The following TSEN2 variants were observed in gnomAD, a reference collection of about 807,000 sequenced individuals.
The protein encoded by TSEN2 is tRNA-splicing endonuclease subunit Sen2.
TSEN2 carries 54 observed loss-of-function variants against 59.2 expected under a neutral mutation model. The observed-to-expected ratio is 0.91, with a 90% confidence interval of 0.73 to 1.14. The LOEUF is 1.14. Ranked by LOEUF, TSEN2 falls within the 50% of genes most tolerant of loss-of-function variation. TSEN2 has a pLI of 0.00. For missense variants in TSEN2, 636 were observed against 576.2 expected (o/e 1.10, Z -1.06); for synonymous variants, 195 against 198.2 (o/e 0.98, Z 0.14).
intron 4 of TSEN2, among the ~76,000 whole-genome samples, chr3:12,498,233 C>T (rs183842455): frequency 1.4e-3 from 208 of 152,188 alleles, no homozygotes; most frequent in African/African-American, 4.8e-3. Flanking sequence ...AAGTCATATT[C>T]GCAGGTACTG....
chr3:12,529,792 C>A lies in TSEN2; in HGVS notation c.1167C>A (p.Asp389Glu). 2 of 1,614,084 alleles carry A rather than the reference C, an allele frequency of 1.2e-6. No homozygotes were observed. The highest frequency in any genetic ancestry group is 1.7e-6 in the Non-Finnish European group (2 of 1,180,006). ...CTGTCATTATCGAGCTAGTTGATGA[C>A]CATTTTGAAGGCTCTCTCCGCAGGC... ...SYSVIIELVD[D>E]HFEGSLRRPL... The change falls in exon 10 of 12, where the codon GAC becomes GAA. Residue 389 changes from aspartate to glutamate, a missense_variant. By Grantham distance (45) the Asp-to-Glu change is conservative (BLOSUM62 2). Transcript: ENST00000284995.
At chr3:12,535,939 C>T (rs2057664988), downstream of TSEN2, among the ~76,000 whole-genome samples, 2 of 152,190 alleles carry the variant, frequency 1.3e-5, no homozygotes, top group African/African-American at 4.8e-5. Flanking sequence ...GTTTCCTCAA[C>T]AGTAAAATAA....
upstream of TSEN2, among the ~76,000 whole-genome samples, chr3:12,482,417 G>A (rs1485160878): frequency 6.6e-6 from 1 of 152,164 alleles, no homozygotes; most frequent in African/African-American, 2.4e-5. Flanking sequence ...CACCGTGCCC[G>A]GCCAGAAGTG....
intron 10 of TSEN2, chr3:12,530,535 C>T: frequency 1.0e-6 from 1 of 985,456 alleles, no homozygotes; most frequent in Non-Finnish European, 1.2e-6. Flanking sequence ...TCTCATTACT[C>T]AGTGATTTGC....
chr3:12,493,271 ATATATACCCAGGAG>A (rs2053411446), intron 3 of TSEN2, among the ~76,000 whole-genome samples: 1 of 152,144 alleles, frequency 6.6e-6, no homozygotes, highest in Non-Finnish European at 1.5e-5. Flanking sequence ...GTTGTTTTGG[ATATATACCCAGGAG>A]TAGAATTAAT....
In TSEN2 at chr3:12,510,022, A is replaced by G. The variant is rs992362648; in HGVS notation, c.909+4791A>G. 9.2e-5 allele frequency among the ~76,000 whole-genome samples: 14 copies of G among 152,184 alleles called. No individual in the cohort carries two copies. In the South Asian group the frequency reaches 2.5e-3, roughly 27 times the overall value. ...GTGTCCTTCTCCCCAAGGAGGTATA[A>G]ACTGTTTTTTACTTGATACTGAAGA... is the stretch of plus-strand genomic sequence containing the variant. On this transcript the variant is annotated intron_variant, in intron 6 of 11. Coordinates refer to ENST00000284995, the MANE Select transcript of TSEN2 (RefSeq NM_025265.4).
intron 8 of TSEN2, among the ~76,000 whole-genome samples, chr3:12,522,356 G>A (rs2056715624): frequency 6.6e-6 from 1 of 151,934 alleles, no homozygotes; most frequent in East Asian, 1.9e-4. Flanking sequence ...ATATCATCTA[G>A]AAACAGATGT....
chr3:12,522,274 A>G (rs2056708576), intron 8 of TSEN2, among the ~76,000 whole-genome samples: 1 of 152,220 alleles, frequency 6.6e-6, no homozygotes, highest in Non-Finnish European at 1.5e-5. Flanking sequence ...ACAGATAAAT[A>G]GAATTTTGAA....
chr3:12,529,739 CA>C, intron 9 of TSEN2, 22 bp from the exon 10 acceptor site: 1 of 1,603,794 alleles, frequency 6.2e-7, no homozygotes, highest in Non-Finnish European at 8.5e-7. Context: ...TTACTTTTAA[CA>C]TGCTTTTTCT....
At chr3:12,517,430 A>G (rs1415709389) in intron 7 of TSEN2, among the ~76,000 whole-genome samples, 1 of 151,708 alleles carries the variant, frequency 6.6e-6, no homozygotes, top group Non-Finnish European at 1.5e-5. Context: ...CCAAAGTCAC[A>G]CAGCTAGTCT....
At chr3:12,538,144 G>A (rs1002142229), downstream of TSEN2, among the ~76,000 whole-genome samples, 3 of 152,168 alleles carry the variant, frequency 2.0e-5, no homozygotes, top group African/African-American at 7.2e-5. Flanking sequence ...GACGTTAACT[G>A]TGCTGAAACA....
At chr3:12,484,408 T>C (rs1400899926), upstream of TSEN2, 1 of 152,234 alleles carries the variant, frequency 6.6e-6, no homozygotes, top group Admixed American at 6.5e-5. Flanking sequence ...CGACGGGAGC[T>C]CTGCGGCTGC....
intron 6 of TSEN2, among the ~76,000 whole-genome samples, chr3:12,507,196 A>G (rs2054927702): frequency 6.6e-6 from 1 of 152,216 alleles, no homozygotes; most frequent in Non-Finnish European, 1.5e-5. Flanking sequence ...CCGTCTCTAA[A>G]ATAAAATAAA....
upstream of TSEN2, among the ~76,000 whole-genome samples, chr3:12,480,735 T>C (rs1206680094): frequency 3.9e-5 from 6 of 151,968 alleles, no homozygotes; most frequent in Admixed American, 1.3e-4. Context: ...GGTTTTGCCA[T>C]GTTGGCCAGG....
chr3:12,512,682 G>T (rs889663788), intron 6 of TSEN2, among the ~76,000 whole-genome samples: 1 of 152,206 alleles, frequency 6.6e-6, no homozygotes, highest in Non-Finnish European at 1.5e-5. Context: ...ATGCCACATG[G>T]CATATTCCAC....
At chr3:12,528,402 G>GA (rs1319512762) in intron 8 of TSEN2, among the ~76,000 whole-genome samples, 2 of 152,072 alleles carry the variant, frequency 1.3e-5, no homozygotes, top group African/African-American at 2.4e-5. Context: ...TTTGTTTCAG[G>GA]AAAAAAATAG....
chr3:12,537,690 G>T (rs1350944708), downstream of TSEN2, among the ~76,000 whole-genome samples: 2 of 152,108 alleles, frequency 1.3e-5, no homozygotes, highest in African/African-American at 4.8e-5. Context: ...AGCTTTCATG[G>T]TCAAACCCTG....
intron 3 of TSEN2, among the ~76,000 whole-genome samples, chr3:12,492,574 T>C (rs1000676919): frequency 2.6e-5 from 4 of 152,236 alleles, no homozygotes; most frequent in African/African-American, 9.6e-5. Context: ...AGCCATGACA[T>C]GTATGTGTGT....
chr3:12,522,123 T>C (rs1287183535), intron 8 of TSEN2, among the ~76,000 whole-genome samples: 1 of 152,232 alleles, frequency 6.6e-6, no homozygotes, highest in Admixed American at 6.5e-5. Flanking sequence ...ATTAATGTTC[T>C]TAATCTCATA....
Sources: gnomAD v4.1 joint callset for allele counts (sites outside exome capture counted in the v4.1 genomes callset) on GRCh38, gnomAD v4.1.1 for gene constraint, MANE v1.5 for transcripts, NCBI Gene and HGNC (gene_info 2026-07-23, HGNC 2026-07-21) for gene names.